Variants in PSMA1 observed in about 807,000 individuals in gnomAD.
The protein encoded by PSMA1 is proteasome 20S subunit alpha 1, also known as proteasome subunit alpha type-1.
PSMA1 carries 3 observed loss-of-function variants against 38.4 expected under a neutral mutation model. The observed-to-expected ratio is 0.08, with a 90% CI of 0.04 to 0.20. The LOEUF is 0.20. PSMA1 is among the 10% of genes least tolerant of loss of function. The pLI is 1.00. For missense variants in PSMA1, 227 were observed against 325.3 expected, an observed-to-expected ratio of 0.70 and a Z score of 2.32; for synonymous variants, 101 against 107.1, an observed-to-expected ratio of 0.94 and a Z score of 0.35.
chr11:14,624,717 T>C (rs765351820), intron 1 of PSMA1, among the ~76,000 whole-genome samples: 1 of 152,126 alleles, frequency 6.6e-6, no homozygotes, highest in Admixed American at 6.6e-5. Flanking sequence ...GTGCTGCTTA[T>C]AGACAATAAG....
At chr11:14,611,370 A>G (rs1433126372) in intron 1 of PSMA1, among the ~76,000 whole-genome samples, 1 of 152,216 alleles carries the variant, frequency 6.6e-6, no homozygotes, top group Non-Finnish European at 1.5e-5. Flanking sequence ...AATACTTAGC[A>G]CAGTCCTTAA....
chr11:14,572,018 T>C (rs1852148773), intron 2 of PSMA1, among the ~76,000 whole-genome samples: 1 of 152,114 alleles, frequency 6.6e-6, no homozygotes, highest in African/African-American at 2.4e-5. Flanking sequence ...AGAAAGCAAG[T>C]CCTTAGAGAC....
At chr11:14,610,944 C>G in intron 2 of PSMA1, 1 of 1,611,208 alleles carries the variant, frequency 6.2e-7, no homozygotes, top group Non-Finnish European at 8.5e-7. Context: ...TGTGTTTTAT[C>G]AAAAAGCAAA....
chr11:14,604,253 G>T (rs1489482892), intron 2 of PSMA1, among the ~76,000 whole-genome samples: 3 of 152,094 alleles, frequency 2.0e-5, no homozygotes, highest in Admixed American at 6.6e-5. Flanking sequence ...GTAGAGACAG[G>T]GTTTCACTAT....
chr11:14,510,788 G>A (rs915215789), intron 8 of PSMA1, 84 bp downstream of exon 8: 3 of 876,472 alleles, frequency 3.4e-6, no homozygotes, highest in African/African-American at 3.5e-5. Context: ...ATTACAGAAT[G>A]TTGCATATAT....
chr11:14,631,818 A>T (rs1339888350), intron 1 of PSMA1, among the ~76,000 whole-genome samples: 1 of 151,218 alleles, frequency 6.6e-6, no homozygotes, highest in African/African-American at 2.4e-5. Flanking sequence ...TTTGTAGGTC[A>T]CTCAGGACTT....
At chr11:14,540,697 G>A (rs751008833) in intron 2 of PSMA1, among the ~76,000 whole-genome samples, 57 of 152,208 alleles carry the variant, frequency 3.7e-4, no homozygotes, top group Non-Finnish European at 3.1e-4. Context: ...GAAAAGCCCA[G>A]TTAAAGAAGA....
chr11:14,587,696 T>C (rs570652942), intron 2 of PSMA1, among the ~76,000 whole-genome samples: 55 of 152,250 alleles, frequency 3.6e-4, no homozygotes, highest in African/African-American at 1.3e-3. Flanking sequence ...CTATTATTTA[T>C]TCTATGAACT....
intron 1 of PSMA1, among the ~76,000 whole-genome samples, chr11:14,638,813 G>A (rs532237489): frequency 1.3e-5 from 2 of 150,878 alleles, no homozygotes; most frequent in African/African-American, 4.9e-5. Flanking sequence ...AGTGTCAACG[G>A]TAGGCTGCCA....
chr11:14,513,775 TAAA>T (rs750487173), intron 6 of PSMA1, 39 bp downstream of exon 6: 3 of 1,543,784 alleles, frequency 1.9e-6, no homozygotes, highest in Non-Finnish European at 2.6e-6. Flanking sequence ...TCTAGTTAAT[TAAA>T]AAAAATCATT....
intron 1 of PSMA1, among the ~76,000 whole-genome samples, chr11:14,617,662 A>AAT (rs1164896735): frequency 4.0e-5 from 6 of 149,156 alleles, no homozygotes; most frequent in South Asian, 2.1e-4. Context: ...TTTTTTTTGA[A>AAT]ATATATATAT....
chr11:14,513,907 T>C lies in PSMA1; in HGVS notation c.344-20A>G. 1.3e-6 allele frequency: 2 copies of C among 1,574,940 alleles called. No homozygotes were observed. Among genetic ancestry groups the C allele is most frequent in the Non-Finnish European group, 1.7e-6 (2 of 1,167,354 alleles). On this transcript the variant is annotated intron_variant, in intron 5 of 9. Coordinates refer to ENST00000396394, the MANE Select transcript of PSMA1 (RefSeq NM_002786.4). Reference sequence around the variant, plus strand: ...GGGTCTCTTAGACTGGTTAACGAGCTTGTTTTAACAAGGAATGAAGTACTG... The same window carrying C: ...GGGTCTCTTAGACTGGTTAACGAGCCTGTTTTAACAAGGAATGAAGTACTG...
upstream of PSMA1, among the ~76,000 whole-genome samples, chr11:14,524,672 C>T (rs1851567527): frequency 6.6e-6 from 1 of 152,188 alleles, no homozygotes; most frequent in African/African-American, 2.4e-5. Flanking sequence ...TTGGTAGTCT[C>T]TTCACACGGA....
chr11:14,546,278 A>G (rs774507446), intron 2 of PSMA1, among the ~76,000 whole-genome samples: 5 of 152,018 alleles, frequency 3.3e-5, no homozygotes, highest in Non-Finnish European at 7.4e-5. Context: ...CAAAGAAAAG[A>G]GGATTTTGAT....
chr11:14,541,949 C>T (rs1008002093), intron 2 of PSMA1, among the ~76,000 whole-genome samples: 1 of 152,040 alleles, frequency 6.6e-6, no homozygotes, highest in East Asian at 1.9e-4. Flanking sequence ...TCAGTATTTC[C>T]ACTGTGTAAG....
chr11:14,619,931 C>T (rs1325550257), intron 1 of PSMA1, among the ~76,000 whole-genome samples: 1 of 152,104 alleles, frequency 6.6e-6, no homozygotes, highest in East Asian at 1.9e-4. Context: ...ATAAGTATTT[C>T]CCATTTCATA....
chr11:14,631,389 G>A (rs1184095566), intron 1 of PSMA1, among the ~76,000 whole-genome samples: 2 of 152,062 alleles, frequency 1.3e-5, no homozygotes, highest in Non-Finnish European at 2.9e-5. Context: ...TGGTTTCAAA[G>A]AACATCTTTA....
At chr11:14,641,127 T>C (rs1455819528) in intron 1 of PSMA1, among the ~76,000 whole-genome samples, 1 of 150,974 alleles carries the variant, frequency 6.6e-6, no homozygotes, top group Non-Finnish European at 1.5e-5. Flanking sequence ...TGTATACCTA[T>C]GTAACAAACC....
intron 2 of PSMA1, among the ~76,000 whole-genome samples, chr11:14,590,775 C>G (rs749344204): frequency 3.9e-5 from 6 of 152,190 alleles, no homozygotes; most frequent in Non-Finnish European, 7.3e-5. Flanking sequence ...GATCAAAACC[C>G]GAGACCCGCA....
Sources: allele counts gnomAD v4.1 joint callset (sites outside exome capture counted in the v4.1 genomes callset), GRCh38; gene constraint gnomAD v4.1.1; transcripts MANE v1.5; gene names NCBI Gene and HGNC (gene_info 2026-07-23, HGNC 2026-07-21).